GCSAML: variants seen among roughly 807,000 people sequenced by gnomAD.
GCSAML encodes germinal center-associated signaling and motility-like protein.
In GCSAML, 9 loss-of-function variants were observed where a neutral mutation model predicts 13.0. The ratio of observed to expected loss-of-function variants is 0.69; its 90% confidence interval spans 0.42 to 1.21. GCSAML has a LOEUF of 1.21. Ranked by LOEUF, GCSAML falls within the 50% of genes most tolerant of loss-of-function variation. The pLI is 0.00. For missense variants in GCSAML, 143 were observed against 153.4 expected (o/e 0.93, Z 0.36); for synonymous variants, 37 against 52.9 (o/e 0.70, Z 1.31).
chr1:247,532,713 C>T (rs1572321051), intron 2 of GCSAML: 1 of 581,388 alleles, frequency 1.7e-6, no homozygotes, highest in East Asian at 2.9e-5. Flanking sequence ...CCTCCCACCT[C>T]AACTTCCTTG....
At chr1:247,548,774 A>G (rs1366995480), upstream of GCSAML, among the ~76,000 whole-genome samples, 1 of 152,186 alleles carries the variant, frequency 6.6e-6, no homozygotes, top group African/African-American at 2.4e-5. This position sits in a 1 kb window ranked among gnomAD's most constrained non-coding sequence, Gnocchi z 5.3. Flanking sequence ...CAACTCTCTT[A>G]TTGCATTGTG....
At chr1:247,554,531 T>C (rs1667891501) in intron 1 of GCSAML, among the ~76,000 whole-genome samples, 1 of 152,168 alleles carries the variant, frequency 6.6e-6, no homozygotes, top group African/African-American at 2.4e-5. Context: ...TTATTAGTCA[T>C]TTATGTTTTC....
At chr1:247,562,093 AGTTT>A (rs1176636491) in intron 2 of GCSAML, among the ~76,000 whole-genome samples, 8 of 152,294 alleles carry the variant, frequency 5.3e-5, no homozygotes, top group Middle Eastern at 6.8e-3. Flanking sequence ...TGGAGATTAT[AGTTT>A]GTTTGGCCTA....
intron 2 of GCSAML, among the ~76,000 whole-genome samples, chr1:247,561,833 C>T (rs1339470404): frequency 1.3e-5 from 2 of 151,948 alleles, no homozygotes; most frequent in Non-Finnish European, 2.9e-5. Flanking sequence ...AGGGTGCAGA[C>T]GAGAAACAAG....
rs114691556 is a variant in GCSAML at position 247,511,589 on chromosome 1, A to G, written c.-263+4356A>G. On this transcript the variant is annotated intron_variant, in intron 1 of 5. Transcript: ENST00000366489. ...CTAGCTGGTTATTTTGCCAGCTACT[A>G]GCTGAGCAGTTTCTTTATAGTGTCA... 5.4e-3 allele frequency among the ~76,000 whole-genome samples: 819 copies of G among 152,300 alleles called. 9 individuals are homozygous for G. Among genetic ancestry groups the G allele is most frequent in the African/African-American group, 0.018 (748 of 41,570 alleles).
chr1:247,518,979 A>G (rs754826402), intron 1 of GCSAML, among the ~76,000 whole-genome samples: 1 of 151,598 alleles, frequency 6.6e-6, no homozygotes, highest in Non-Finnish European at 1.5e-5. Context: ...ACTGAGCAAA[A>G]CCCTATCTCT....
At chr1:247,563,870 A>G (rs1668235003) in intron 3 of GCSAML, among the ~76,000 whole-genome samples, 1 of 152,154 alleles carries the variant, frequency 6.6e-6, no homozygotes, top group Non-Finnish European at 1.5e-5. Context: ...CCAAAATTCT[A>G]CTGTTTTTAA....
chr1:247,512,828 A>G (rs1666086698), intron 1 of GCSAML, among the ~76,000 whole-genome samples: 1 of 152,150 alleles, frequency 6.6e-6, no homozygotes, highest in South Asian at 2.1e-4. Flanking sequence ...TTGCCTGGTT[A>G]TCACCAGCAG....
At chr1:247,522,412 G>T (rs1666483675) in intron 1 of GCSAML, among the ~76,000 whole-genome samples, 1 of 152,150 alleles carries the variant, frequency 6.6e-6, no homozygotes, top group South Asian at 2.1e-4. Flanking sequence ...CGTCTGGGAG[G>T]TGTACCCCAC....
chr1:247,562,201 C>G (rs1256370468), intron 2 of GCSAML, among the ~76,000 whole-genome samples: 1 of 152,086 alleles, frequency 6.6e-6, no homozygotes, highest in Non-Finnish European at 1.5e-5. Context: ...TTTAAGGAAG[C>G]AAAGCTTTGT....
intron 2 of GCSAML, chr1:247,532,209 C>G: frequency 6.2e-7 from 1 of 1,614,194 alleles, no homozygotes; most frequent in African/African-American, 1.3e-5. Context: ...AGATATAGAA[C>G]TGGACCACAC....
At chr1:247,514,305 A>G (rs1012706403) in intron 1 of GCSAML, among the ~76,000 whole-genome samples, 3 of 152,112 alleles carry the variant, frequency 2.0e-5, no homozygotes, top group African/African-American at 4.8e-5. Flanking sequence ...AGAATTGTCT[A>G]TTCGTGTCTT....
Position 247,553,111 on chromosome 1 carries a change from C to T in GCSAML, c.30-3296C>T, listed in dbSNP as rs114364267. Among the ~76,000 whole-genome samples, 1,162 of 152,210 alleles carry T rather than the reference C, an allele frequency of 7.6e-3. 10 individuals are homozygous for T. The highest frequency in any genetic ancestry group is 0.027 in the African/African-American group (1,113 of 41,534). The stretch of plus-strand genomic sequence containing the variant: ...ACAATTATTTATAATTATCTTTATT[C>T]AAATCTTCTTTAATGCATTCTGATA... On this transcript the variant is annotated intron_variant, in intron 1 of 4. Coordinates refer to ENST00000366488, the MANE Select transcript of GCSAML (RefSeq NM_145278.5).
intron 1 of GCSAML, among the ~76,000 whole-genome samples, chr1:247,553,918 G>T (rs1229163900): frequency 6.6e-6 from 1 of 152,058 alleles, no homozygotes; most frequent in African/African-American, 2.4e-5. Flanking sequence ...TAATTTCTGG[G>T]ATAAAACCCA....
chr1:247,574,218 C>G lies in GCSAML; in HGVS notation c.244C>G (p.Leu82Val), dbSNP rs1668745509. 2 of 1,614,022 alleles carry G rather than the reference C, an allele frequency of 1.2e-6. No individual in the cohort carries two copies. The highest frequency in any genetic ancestry group is 4.5e-5 in the East Asian group (2 of 44,862). ...INHIPHQRSS[L>V]SSNDDGYENI... ...TCACATCCCCCATCAGAGATCCTCC[C>G]TGAGCTCCAATGATGATGGCTATGA... Residue 82 changes from leucine to valine, a missense_variant, in exon 5 of 5, where the codon CTG (leucine) becomes GTG (valine). Leu to Val is a conservative substitution (Grantham distance 32). Transcript: ENST00000366488.
Position 247,556,471 on chromosome 1 carries a change from G to A in GCSAML, c.89+5G>A, listed in dbSNP as rs1229215648. The stretch of plus-strand genomic sequence containing the variant: ...CCCAGATGAGGAAAGAAAACGGTAA[G>A]AACAGAGCATCTCAGAGTTTTTTTG... On this transcript the variant is annotated splice_donor_5th_base_variant and intron_variant, in intron 2 of 4. Coordinates refer to ENST00000366488, the MANE Select transcript of GCSAML (RefSeq NM_145278.5). 4 of 1,601,820 alleles carry A rather than the reference G, an allele frequency of 2.5e-6. No homozygotes were observed. Among genetic ancestry groups the A allele is most frequent in the Non-Finnish European group, 3.4e-6 (4 of 1,170,632 alleles).
At chr1:247,566,579 A>T (rs1480351768) in intron 4 of GCSAML, among the ~76,000 whole-genome samples, 2 of 152,170 alleles carry the variant, frequency 1.3e-5, no homozygotes, top group African/African-American at 4.8e-5. Context: ...TAACAAAAAC[A>T]GATGAAATTA....
chr1:247,541,612 G>A (rs866453472), intron 2 of GCSAML, among the ~76,000 whole-genome samples: 4 of 152,166 alleles, frequency 2.6e-5, no homozygotes, highest in Non-Finnish European at 5.9e-5. Context: ...AATTTGAGAT[G>A]TTGGCCTGAA....
intron 2 of GCSAML, chr1:247,531,843 G>A: frequency 6.2e-7 from 1 of 1,614,168 alleles, no homozygotes; most frequent in Non-Finnish European, 8.5e-7. Flanking sequence ...ACACGGCCCG[G>A]GCAATGTGGC....
Sources: gnomAD v4.1 joint callset for allele counts (sites outside exome capture counted in the v4.1 genomes callset) on GRCh38, gnomAD v4.1.1 for gene constraint, Gnocchi (gnomAD v3.1) non-coding constraint, MANE v1.5 for transcripts, NCBI Gene and HGNC (gene_info 2026-07-23, HGNC 2026-07-21) for gene names.